The following SDK1 variants were observed in gnomAD, a reference collection of about 807,000 sequenced individuals.
SDK1 encodes protein sidekick-1.
A neutral mutation model predicts 245.5 loss-of-function variants in SDK1; 157 were observed. The ratio of observed to expected loss-of-function variants is 0.64; its 90% CI spans 0.56 to 0.73. SDK1 has a LOEUF of 0.73. Ranked by LOEUF, SDK1 falls within the 30% of genes least tolerant of loss-of-function variation. SDK1 has a pLI of 0.00. For missense variants in SDK1, 3,583 were observed against 3,002.3 expected (o/e 1.19, Z -4.52); for synonymous variants, 1,647 against 1,278.5 (o/e 1.29, Z -6.15).
At chr7:3,978,632 A>G (rs1378847839) in intron 13 of SDK1, among the ~76,000 whole-genome samples, 1 of 152,186 alleles carries the variant, frequency 6.6e-6, no homozygotes, top group African/African-American at 2.4e-5. Context: ...ACTCTACAAC[A>G]ATAATGGCAA....
chr7:3,474,731 C>A (rs551806646), intron 1 of SDK1, among the ~76,000 whole-genome samples: 1 of 152,260 alleles, frequency 6.6e-6, no homozygotes, highest in South Asian at 2.1e-4. Context: ...TACTCTGTCA[C>A]CCAGGCTGCA....
At chr7:3,827,444 C>T (rs1472621935) in intron 5 of SDK1, among the ~76,000 whole-genome samples, 1 of 152,138 alleles carries the variant, frequency 6.6e-6, no homozygotes, top group Non-Finnish European at 1.5e-5. Flanking sequence ...TGTAAATGCC[C>T]AGGTGCCAAC....
At chr7:3,481,173 T>C (rs918276312) in intron 1 of SDK1, among the ~76,000 whole-genome samples, 3 of 152,220 alleles carry the variant, frequency 2.0e-5, no homozygotes. Context: ...TAAGAGGCAA[T>C]TTAAAAAGTT....
At chr7:4,129,573 T>G (rs1584232589) in intron 26 of SDK1, 1 of 819,828 alleles carries the variant, frequency 1.2e-6, no homozygotes, top group Non-Finnish European at 1.6e-6. Flanking sequence ...GGAAGCAGAG[T>G]GTTGTCTGTG....
intron 1 of SDK1, among the ~76,000 whole-genome samples, chr7:3,475,877 C>G (rs1294112871): frequency 6.6e-6 from 1 of 152,124 alleles, no homozygotes; most frequent in East Asian, 1.9e-4. Flanking sequence ...TTATTCATTG[C>G]GACATGGGAT....
intron 4 of SDK1, among the ~76,000 whole-genome samples, chr7:3,810,335 T>G (rs1185586286): frequency 6.6e-6 from 1 of 152,186 alleles, no homozygotes; most frequent in Non-Finnish European, 1.5e-5. Flanking sequence ...TAAATCATGT[T>G]TCTTTTTTTT....
rs142076799 is a variant in SDK1, at chr7:3,741,987, C to CATATATATATATATATAT, written c.714-79454_714-79437dup. On this transcript the variant is annotated intron_variant, in intron 4 of 44. Transcript: ENST00000404826. ...ATTTGTGTTCCCATATTGTAGTGTG[C>CATATATATATATATATAT]ATATATATATATATATATATATATA... Among the ~76,000 whole-genome samples, 370 of 132,030 alleles carry CATATATATATATATATAT rather than the reference C, an allele frequency of 2.8e-3. 3 individuals are homozygous for CATATATATATATATATAT. Among genetic ancestry groups the CATATATATATATATATAT allele is most frequent in the African/African-American group, 7.7e-3 (267 of 34,654 alleles). The allele number at this position is 132,030 out of a possible 152,430, so 86.6% of individuals were successfully genotyped here.
intron 1 of SDK1, among the ~76,000 whole-genome samples, chr7:3,466,298 C>T (rs1780999488): frequency 6.6e-6 from 1 of 151,580 alleles, no homozygotes; most frequent in African/African-American, 2.4e-5. Flanking sequence ...ACTTTGACCT[C>T]ACAAGTGAGA....
intron 25 of SDK1, among the ~76,000 whole-genome samples, chr7:4,125,128 A>T (rs1229419255): frequency 6.9e-6 from 1 of 145,010 alleles, no homozygotes; most frequent in Non-Finnish European, 1.5e-5. Context: ...GAATGGATGG[A>T]TGGAAAGATG....
At chr7:4,094,695 A>G (rs1206653704) in intron 22 of SDK1, among the ~76,000 whole-genome samples, 2 of 152,212 alleles carry the variant, frequency 1.3e-5, no homozygotes, top group Non-Finnish European at 2.9e-5. Context: ...TGGCACAGCA[A>G]AGCCAAACCA....
intron 4 of SDK1, among the ~76,000 whole-genome samples, chr7:3,807,402 C>T (rs893772378): frequency 3.9e-5 from 6 of 152,196 alleles, no homozygotes; most frequent in Admixed American, 2.0e-4. Flanking sequence ...GTCGCGCTCC[C>T]GGTAGATGGT....
chr7:3,602,210 G>T (rs1015017386), intron 1 of SDK1, among the ~76,000 whole-genome samples: 3 of 151,670 alleles, frequency 2.0e-5, no homozygotes, highest in Non-Finnish European at 2.9e-5. Context: ...GGATGGCTGG[G>T]TCAAATGGTA....
intron 4 of SDK1, among the ~76,000 whole-genome samples, chr7:3,707,771 G>A (rs867466086): frequency 6.6e-6 from 1 of 152,104 alleles, no homozygotes; most frequent in Non-Finnish European, 1.5e-5. Context: ...AATTCTTCTT[G>A]TTGGATTCAT....
intron 25 of SDK1, among the ~76,000 whole-genome samples, chr7:4,121,113 A>G (rs1044096155): frequency 6.6e-6 from 1 of 152,012 alleles, no homozygotes; most frequent in African/African-American, 2.4e-5. Context: ...TTTTCAGACA[A>G]TCTTGTATCA....
rs989038646 is a variant in SDK1, at chr7:3,821,453, C to T, written c.717C>T (p.Ala239=). 1.2e-6 allele frequency: 2 copies of T among 1,612,844 alleles called. No individual in the cohort carries two copies. The highest frequency in any genetic ancestry group is 1.7e-6 in the Non-Finnish European group (2 of 1,179,516). The change falls in exon 5 of 45, where the codon GCC becomes GCT. Residue 239 remains alanine (A), a synonymous_variant. Transcript: ENST00000404826. ...GTCCTCTTCTTTTCTGAAACAGAGCCATCACATTGGAGAATCAGCTGGTGA... is the reference window on the plus strand; with the variant it reads ...GTCCTCTTCTTTTCTGAAACAGAGCTATCACATTGGAGAATCAGCTGGTGA... ...GHKIIPSNRI[A]ITLENQLVIL...
chr7:3,549,515 C>A (rs73296250), intron 1 of SDK1, among the ~76,000 whole-genome samples: 5 of 152,138 alleles, frequency 3.3e-5, no homozygotes, highest in African/African-American at 9.7e-5. Flanking sequence ...TTATGTCTTA[C>A]AGTATTCAGT....
At chr7:3,354,118 C>T (rs1583730352) in intron 1 of SDK1, among the ~76,000 whole-genome samples, 1 of 151,882 alleles carries the variant, frequency 6.6e-6, no homozygotes, top group East Asian at 1.9e-4. Context: ...TCAGCCTCAG[C>T]CTCCCAAGTA....
At chr7:3,556,738 G>C (rs1209966113) in intron 1 of SDK1, among the ~76,000 whole-genome samples, 5 of 152,114 alleles carry the variant, frequency 3.3e-5, no homozygotes, top group Non-Finnish European at 2.9e-5. Context: ...AGGAGGCAGT[G>C]AGCCAAGATC....
At chr7:4,008,777 G>T (rs767000886) in intron 14 of SDK1, among the ~76,000 whole-genome samples, 52 of 152,210 alleles carry the variant, frequency 3.4e-4, no homozygotes, top group Admixed American at 1.3e-3. Context: ...AAGATTGATT[G>T]GGTTCTTTGA....
Sources: allele counts gnomAD v4.1 joint callset (sites outside exome capture counted in the v4.1 genomes callset), GRCh38; gene constraint gnomAD v4.1.1; transcripts MANE v1.5; gene names NCBI Gene and HGNC (gene_info 2026-07-23, HGNC 2026-07-21).